Variants in P3H2 observed in about 807,000 individuals in gnomAD.
P3H2 encodes the protein leprecan-like 1.
In P3H2, 80 loss-of-function variants were observed where a neutral mutation model predicts 87.0. The observed-to-expected ratio is 0.92, with a 90% CI of 0.77 to 1.11. The LOEUF (loss-of-function observed/expected upper bound fraction) is 1.11, where lower values mean the gene tolerates loss of function less well. Among genes scored for constraint, P3H2 ranks in the 50% least tolerant of loss-of-function variants. The pLI is 0.00. For missense variants in P3H2, 1,001 were observed against 923.9 expected (o/e 1.08, Z -1.08); for synonymous variants, 367 against 359.3 (o/e 1.02, Z -0.24).
chr3:189,970,083 CTT>C (rs1243858129), intron 13 of P3H2, among the ~76,000 whole-genome samples: 2 of 147,860 alleles, frequency 1.4e-5, no homozygotes. Flanking sequence ...TTGATTTACT[CTT>C]TGTTTACATA....
chr3:190,114,226 C>G (rs1712194963), intron 1 of P3H2, among the ~76,000 whole-genome samples: 1 of 148,386 alleles, frequency 6.7e-6, no homozygotes. Flanking sequence ...CTCTGTCGCC[C>G]AGGCTGGAGT....
chr3:190,038,641 TC>T (rs1725501567), intron 1 of P3H2, among the ~76,000 whole-genome samples: 1 of 152,108 alleles, frequency 6.6e-6, no homozygotes. Flanking sequence ...AGAAAGTTGG[TC>T]CCCTAGGATG....
chr3:189,992,572 G>A (rs1723910588), intron 3 of P3H2, among the ~76,000 whole-genome samples: 1 of 152,076 alleles, frequency 6.6e-6, no homozygotes, highest in Non-Finnish European at 1.5e-5. Flanking sequence ...ATTATCCTTT[G>A]CCTACTTTTC....
chr3:190,009,776 T>C (rs1174113961), intron 1 of P3H2, among the ~76,000 whole-genome samples: 1 of 152,224 alleles, frequency 6.6e-6, no homozygotes, highest in Non-Finnish European at 1.5e-5. Context: ...TTGTTCTTTT[T>C]TATTTGGAAA....
chr3:189,970,703 T>C, intron 13 of P3H2, 113 bp downstream of exon 13: 2 of 713,420 alleles, frequency 2.8e-6, no homozygotes, highest in South Asian at 1.6e-5. Context: ...TCTTAACCTC[T>C]TGAAATCTTG....
intron 5 of P3H2, among the ~76,000 whole-genome samples, chr3:189,987,324 A>G: frequency 6.6e-6 from 1 of 151,554 alleles, no homozygotes; most frequent in East Asian, 1.9e-4. Context: ...AAAAAAAAAT[A>G]CAAAATTAGC....
intron 1 of P3H2, among the ~76,000 whole-genome samples, chr3:190,119,660 C>A (rs1386638971): frequency 6.6e-6 from 1 of 152,186 alleles, no homozygotes; most frequent in East Asian, 1.9e-4. Context: ...ACTGAGACTG[C>A]CTCAAACAGC....
At chr3:190,011,422 C>A (rs557700010) in intron 1 of P3H2, among the ~76,000 whole-genome samples, 2 of 152,182 alleles carry the variant, frequency 1.3e-5, no homozygotes, top group Non-Finnish European at 2.9e-5. Context: ...GGTCCTTAAA[C>A]CTTCCATTTT....
upstream of P3H2, chr3:190,121,459 G>A (rs115168740): frequency 3.1e-3 from 474 of 152,288 alleles, no homozygotes; most frequent in African/African-American, 0.011. Context: ...GCTGAGAAGT[G>A]GCAAAGGACG....
chr3:189,988,934 C>A lies in P3H2; in HGVS notation c.928G>T (p.Asp310Tyr). ...CGATAGTAGGCAAACTGTAGGTAAT[C>A]ATAGTGCAGAGGAAGAAAATTCTCG... ...PIENFLPLHY[D>Y]YLQFAYYRVG... The change falls in exon 4 of 15, where the codon GAT becomes TAT. Residue 310 changes from aspartate (D) to tyrosine (Y), a missense_variant. Physicochemically the swap from Asp to Tyr is radical, Grantham distance 160. Transcript: ENST00000319332. 6.2e-7 allele frequency: 1 copy of A among 1,614,086 alleles called. No homozygotes were observed. The highest frequency in any genetic ancestry group is 1.1e-5 in the South Asian group (1 of 91,062).
At chr3:190,027,270 C>T (rs1725112049) in intron 1 of P3H2, among the ~76,000 whole-genome samples, 1 of 152,222 alleles carries the variant, frequency 6.6e-6, no homozygotes, top group South Asian at 2.1e-4. Flanking sequence ...AACCACCCAA[C>T]AGATAATACT....
At chr3:190,023,891 T>C (rs914880334) in intron 1 of P3H2, among the ~76,000 whole-genome samples, 1 of 152,222 alleles carries the variant, frequency 6.6e-6, no homozygotes, top group Non-Finnish European at 1.5e-5. Flanking sequence ...AAAGGCAACA[T>C]GATGTCCAGA....
intron 13 of P3H2, among the ~76,000 whole-genome samples, chr3:189,964,718 T>G (rs898504460): frequency 1.3e-5 from 2 of 152,260 alleles, no homozygotes; most frequent in Non-Finnish European, 2.9e-5. Context: ...TCTCTAGTGG[T>G]GAGAACACGA....
intron 10 of P3H2, among the ~76,000 whole-genome samples, chr3:189,973,511 C>CTTTTTTTTTTTTTT (rs869099221): frequency 5.6e-5 from 2 of 35,462 alleles, no homozygotes; most frequent in African/African-American, 1.9e-4. Context: ...TTCTTTCTTT[C>CTTTTTTTTTTTTTT]TTTTTTTTTT....
intron 1 of P3H2, among the ~76,000 whole-genome samples, chr3:190,079,695 G>A (rs1410141872): frequency 6.6e-6 from 1 of 152,118 alleles, no homozygotes; most frequent in Non-Finnish European, 1.5e-5. Context: ...GCTAGCAACT[G>A]TTACACAGGA....
intron 1 of P3H2, among the ~76,000 whole-genome samples, chr3:190,055,961 C>A (rs141254057): frequency 6.6e-6 from 1 of 152,142 alleles, no homozygotes; most frequent in Non-Finnish European, 1.5e-5. Context: ...CTAACTTCAG[C>A]GTGGCTGTAT....
intron 13 of P3H2, chr3:189,969,694 G>A (rs967273759): frequency 3.7e-6 from 5 of 1,337,086 alleles, no homozygotes; most frequent in Non-Finnish European, 3.2e-6. Flanking sequence ...TTGCAAGGAG[G>A]ACACAATCAA....
intron 1 of P3H2, among the ~76,000 whole-genome samples, chr3:190,021,944 T>C (rs1458059474): frequency 7.4e-6 from 1 of 135,244 alleles, no homozygotes; most frequent in African/African-American, 2.6e-5. Flanking sequence ...TCTTAAAAGC[T>C]GTCAGTGATA....
intron 1 of P3H2, among the ~76,000 whole-genome samples, chr3:190,094,132 A>C (rs1276084271): frequency 6.6e-6 from 1 of 152,252 alleles, no homozygotes; most frequent in Non-Finnish European, 1.5e-5. Flanking sequence ...GAAAATTAAC[A>C]TCTGCTCTAC....
Sources: gnomAD v4.1 joint callset for allele counts (sites outside exome capture counted in the v4.1 genomes callset) on GRCh38, gnomAD v4.1.1 for gene constraint, MANE v1.5 for transcripts, NCBI Gene and HGNC (gene_info 2026-07-23, HGNC 2026-07-21) for gene names.